Variants in ATAD2B observed in about 807,000 individuals in gnomAD.
ATAD2B encodes ATPase family AAA domain containing 2B.
A neutral mutation model predicts 167.6 loss-of-function variants in ATAD2B; 40 were observed. That is an observed-to-expected ratio of 0.24 (90% CI 0.19 to 0.31). The LOEUF is 0.31. Ranked by LOEUF, ATAD2B falls within the 10% of genes least tolerant of loss-of-function variation. The pLI, the probability that ATAD2B is intolerant of heterozygous loss-of-function variation, is 1.00. For synonymous variants in ATAD2B, 579 were observed against 596.5 expected (o/e 0.97, Z 0.43); for missense variants, 1,242 against 1,757.2 (o/e 0.71, Z 5.24).
chr2:23,714,368 T>A, the ATAD2B span, among the ~76,000 whole-genome samples: 8 of 149,350 alleles, frequency 5.4e-5, no homozygotes, highest in Non-Finnish European at 1.2e-4. Context: ...GCCTCCCGAG[T>A]AGCTGGGACT....
intron 18 of ATAD2B, among the ~76,000 whole-genome samples, chr2:23,808,271 T>G (rs551437418): frequency 1.3e-5 from 2 of 148,238 alleles, no homozygotes; most frequent in Admixed American, 6.8e-5. Context: ...TACATGAGAC[T>G]AGCCCAGCTC....
chr2:23,906,188 A>G (rs1185889489), intron 1 of ATAD2B, among the ~76,000 whole-genome samples: 1 of 151,902 alleles, frequency 6.6e-6, no homozygotes, highest in Non-Finnish European at 1.5e-5. Flanking sequence ...AATACAAAAA[A>G]AAATTGGCCG....
chr2:23,693,653 G>T, the ATAD2B span: 1 of 1,022,142 alleles, frequency 9.8e-7, no homozygotes, highest in Admixed American at 2.4e-5. Flanking sequence ...TGGCAGAGAG[G>T]TGAAGGGCGG....
intron 18 of ATAD2B, among the ~76,000 whole-genome samples, chr2:23,809,962 T>G (rs1032905741): frequency 5.9e-5 from 9 of 152,218 alleles, no homozygotes; most frequent in African/African-American, 2.2e-4. Context: ...TAATTTCCCT[T>G]TCTATGATAA....
intron 1 of ATAD2B, among the ~76,000 whole-genome samples, chr2:23,919,706 G>C (rs1346136380): frequency 1.3e-5 from 2 of 151,958 alleles, no homozygotes; most frequent in Non-Finnish European, 2.9e-5. Flanking sequence ...AGCCAGGTGA[G>C]GTGGCGCATG....
rs1448045951 is a variant in ATAD2B at position 23,834,033 on chromosome 2, A to G, written c.1614T>C (p.Asn538=). Residue 538 remains asparagine (N), a synonymous_variant, in exon 14 of 28, where the codon AAT becomes AAC. Coordinates refer to ENST00000238789, the MANE Select transcript of ATAD2B (RefSeq NM_017552.4). Reference sequence around the variant, plus strand: ...CACCAATAACAACAATTTCACCCCTATTATCTAATCCATCCATAAGAGCAA... The same window carrying G: ...CACCAATAACAACAATTTCACCCCTGTTATCTAATCCATCCATAAGAGCAA... ...TLLALMDGLD[N]RGEIVVIGAT... The G allele has an allele frequency of 2.5e-6, 4 of 1,611,904 alleles. No homozygotes were observed. In the Admixed American group the frequency reaches 6.7e-5, roughly 27 times the overall value.
chr2:23,895,934 C>T lies in ATAD2B; in HGVS notation c.253G>A (p.Val85Ile), dbSNP rs747681522. 1.9e-6 allele frequency: 3 copies of T among 1,613,024 alleles called. No homozygotes were observed. The highest frequency in any genetic ancestry group is 3.3e-5 in the Admixed American group (2 of 59,966). Residue 85 changes from valine (V) to isoleucine (I), a missense_variant, in exon 2 of 28, where the codon GTA (valine) becomes ATA (isoleucine). By Grantham distance (29) the Val-to-Ile change is conservative. Transcript: ENST00000238789. ...EVDGSLSDSH[V>I]SPPAKRTLKQ... ...AAAGTGCGTTTGGCTGGAGGAGATA[C>T]GTGGCTATCACTTAAACTACCATCA...
intron 13 of ATAD2B, among the ~76,000 whole-genome samples, chr2:23,848,172 AT>A (rs1408833988): frequency 5.9e-5 from 9 of 152,182 alleles, no homozygotes; most frequent in Admixed American, 5.9e-4. Context: ...AGATATTTTT[AT>A]TTACATTTCT....
intron 13 of ATAD2B, among the ~76,000 whole-genome samples, chr2:23,837,345 C>A (rs747996441): frequency 1.2e-4 from 19 of 152,190 alleles, no homozygotes; most frequent in Non-Finnish European, 1.0e-4. Context: ...CCTTCCCAGG[C>A]CCCCCAGAGT....
chr2:23,915,050 AT>A (rs1191512172), intron 1 of ATAD2B, among the ~76,000 whole-genome samples: 1 of 152,172 alleles, frequency 6.6e-6, no homozygotes, highest in Non-Finnish European at 1.5e-5. Flanking sequence ...GTAGGAAGCA[AT>A]TTAGGTACCT....
intron 18 of ATAD2B, among the ~76,000 whole-genome samples, chr2:23,802,773 C>T (rs760437686): frequency 3.3e-5 from 5 of 151,932 alleles, no homozygotes; most frequent in Admixed American, 6.6e-5. Context: ...CAAGAGCAAC[C>T]GAAGTATACA....
intron 16 of ATAD2B, among the ~76,000 whole-genome samples, chr2:23,822,157 T>A (rs979733116): frequency 1.3e-5 from 2 of 152,214 alleles, no homozygotes; most frequent in African/African-American, 2.4e-5. Flanking sequence ...AGAAGCATTA[T>A]AGCAACATAG....
chr2:23,886,142 C>T (rs1698632027), intron 4 of ATAD2B, among the ~76,000 whole-genome samples: 1 of 151,942 alleles, frequency 6.6e-6, no homozygotes, highest in African/African-American at 2.4e-5. Context: ...GATGGGGTTT[C>T]ACCATGTTGC....
intron 17 of ATAD2B, among the ~76,000 whole-genome samples, chr2:23,813,480 A>C (rs1465232962): frequency 6.6e-6 from 1 of 151,824 alleles, no homozygotes; most frequent in Non-Finnish European, 1.5e-5. Flanking sequence ...TCACACCTGT[A>C]ATCCCAGCAC....
At chr2:23,730,615 G>A in the ATAD2B span, among the ~76,000 whole-genome samples, 3 of 114,944 alleles carry the variant, frequency 2.6e-5, no homozygotes, top group African/African-American at 3.3e-5. Context: ...GTAGTGAGCC[G>A]AGATCACACC....
chr2:23,745,368 A>AGAAGGAAGGAAGGAAG (rs767435573), downstream of ATAD2B, among the ~76,000 whole-genome samples: 3,768 of 52,828 alleles, frequency 0.071, 356 homozygotes, highest in East Asian at 0.16. Flanking sequence ...AAGGAAGGAA[A>AGAAGGAAGGAAGGAAG]GAAGGAAGGA....
intron 17 of ATAD2B, among the ~76,000 whole-genome samples, chr2:23,817,571 CA>C (rs1033533837): frequency 7.2e-5 from 11 of 152,182 alleles, no homozygotes; most frequent in African/African-American, 2.7e-4. Flanking sequence ...TTGTCACCCC[CA>C]ACCATGAGAC....
the ATAD2B span, among the ~76,000 whole-genome samples, chr2:23,704,762 G>A: frequency 1.0e-3 from 155 of 152,094 alleles, 1 homozygote; most frequent in Non-Finnish European, 1.5e-3. Flanking sequence ...AAAAGACTCC[G>A]TCTCACAAAA....
At chr2:23,709,062 T>TG in the ATAD2B span, among the ~76,000 whole-genome samples, 2 of 151,988 alleles carry the variant, frequency 1.3e-5, no homozygotes, top group African/African-American at 2.4e-5. Flanking sequence ...TTTATTGAGA[T>TG]GGAGTTTCAC....
Sources: allele counts gnomAD v4.1 joint callset (sites outside exome capture counted in the v4.1 genomes callset), GRCh38; gene constraint gnomAD v4.1.1; transcripts MANE v1.5; gene names NCBI Gene and HGNC (gene_info 2026-07-23, HGNC 2026-07-21).